Variants in AHCY observed in about 807,000 individuals in gnomAD.
AHCY encodes the protein adenosylhomocysteinase, also known as S-adenosyl-L-homocysteine hydrolase.
In AHCY, 24 loss-of-function variants were observed where a neutral mutation model predicts 45.4. The ratio of observed to expected loss-of-function variants is 0.53; its 90% CI spans 0.38 to 0.74. The LOEUF (loss-of-function observed/expected upper bound fraction) is 0.74, where lower values mean the gene tolerates loss of function less well. AHCY is among the 30% of genes least tolerant of loss of function. AHCY has a pLI of 0.00. For missense variants in AHCY, 449 were observed against 594.1 expected, an observed-to-expected ratio of 0.76 and a Z score of 2.54; for synonymous variants, 245 against 235.1, an observed-to-expected ratio of 1.04 and a Z score of -0.39.
At chr20:34,246,323 G>A in the AHCY span, 3,943 of 1,548,886 alleles carry the variant, frequency 2.5e-3, 151 homozygotes, top group East Asian at 0.08. Flanking sequence ...TTCTTGTTTG[G>A]GTGAATTTTC....
intron 3 of AHCY, 102 bp downstream of exon 3, chr20:34,293,979 C>T: frequency 1.6e-6 from 2 of 1,219,344 alleles, no homozygotes; most frequent in African/African-American, 1.5e-5. Flanking sequence ...GACTCCTCTC[C>T]CTTTCTGATA....
chr20:34,258,299 T>C, the AHCY span, among the ~76,000 whole-genome samples: 2 of 151,538 alleles, frequency 1.3e-5, no homozygotes, highest in Non-Finnish European at 2.9e-5. Flanking sequence ...GGCCAGATAA[T>C]AAATATTTTA....
chr20:34,239,371 C>T, the AHCY span, among the ~76,000 whole-genome samples: 1 of 152,136 alleles, frequency 6.6e-6, no homozygotes, highest in African/African-American at 2.4e-5. Context: ...CACCTGCCAC[C>T]ACACCTGGCT....
chr20:34,276,929 G>A (rs1222670701), downstream of AHCY, among the ~76,000 whole-genome samples: 3 of 152,066 alleles, frequency 2.0e-5, no homozygotes, highest in African/African-American at 4.8e-5. Flanking sequence ...GTAGGTCTCA[G>A]GGATGAGAAT....
At chr20:34,235,909 AG>A in the AHCY span, among the ~76,000 whole-genome samples, 1 of 123,606 alleles carries the variant, frequency 8.1e-6, no homozygotes, top group African/African-American at 3.8e-5. Flanking sequence ...AAAGGAAGGA[AG>A]GAAGGAAGGA....
At chr20:34,277,603 A>C (rs2035919191), downstream of AHCY, among the ~76,000 whole-genome samples, 1 of 151,814 alleles carries the variant, frequency 6.6e-6, no homozygotes, top group East Asian at 1.9e-4. Flanking sequence ...AAAATATAAA[A>C]AATTAGCCGG....
chr20:34,273,568 C>T, the AHCY span, among the ~76,000 whole-genome samples: 47 of 152,276 alleles, frequency 3.1e-4, no homozygotes, highest in African/African-American at 1.1e-3. Flanking sequence ...CTAACATCAC[C>T]AGCCATTGTT....
chr20:34,245,635 C>T, the AHCY span, among the ~76,000 whole-genome samples: 5 of 151,858 alleles, frequency 3.3e-5, no homozygotes, highest in African/African-American at 9.7e-5. Context: ...ATGATCCACC[C>T]GCCTTGGCCT....
chr20:34,289,072 C>T (rs1292583003), intron 8 of AHCY, among the ~76,000 whole-genome samples: 1 of 152,088 alleles, frequency 6.6e-6, no homozygotes. Context: ...GGCGCAATCT[C>T]GGCTCACTGC....
At chr20:34,303,192 C>G in intron 1 of AHCY, 51 bp downstream of exon 1, 5 of 1,550,160 alleles carry the variant, frequency 3.2e-6, no homozygotes, top group Non-Finnish European at 4.4e-6. Flanking sequence ...CACGAACAAG[C>G]CCCGGGCGGG....
the AHCY span, among the ~76,000 whole-genome samples, chr20:34,267,856 G>A: frequency 6.8e-6 from 1 of 147,416 alleles, no homozygotes. Flanking sequence ...AAAAAAAAAA[G>A]GTGCAATTAA....
the AHCY span, among the ~76,000 whole-genome samples, chr20:34,245,329 G>C: frequency 1.5e-5 from 2 of 129,774 alleles, no homozygotes; most frequent in African/African-American, 5.9e-5. Flanking sequence ...GTGAGACTCT[G>C]TCTCAAAAAA....
the AHCY span, among the ~76,000 whole-genome samples, chr20:34,249,785 G>A: frequency 6.6e-6 from 1 of 152,138 alleles, no homozygotes; most frequent in Non-Finnish European, 1.5e-5. Context: ...AGAACATAAA[G>A]CAACTTGATT....
the AHCY span, among the ~76,000 whole-genome samples, chr20:34,242,962 C>T: frequency 1.3e-5 from 2 of 152,192 alleles, no homozygotes; most frequent in Non-Finnish European, 2.9e-5. Context: ...AATATAGTAC[C>T]CACTAAGGTC....
chr20:34,300,340 C>G (rs1234917817), intron 1 of AHCY, among the ~76,000 whole-genome samples: 1 of 152,210 alleles, frequency 6.6e-6, no homozygotes, highest in Non-Finnish European at 1.5e-5. Context: ...CATCATTCTA[C>G]TAAAGTAAAC....
intron 1 of AHCY, among the ~76,000 whole-genome samples, chr20:34,299,874 C>T (rs1167789255): frequency 6.6e-6 from 1 of 152,182 alleles, no homozygotes; most frequent in African/African-American, 2.4e-5. Flanking sequence ...CTGCATCTCA[C>T]CACCTTCATC....
At chr20:34,262,748 C>T in the AHCY span, 1 of 1,506,664 alleles carries the variant, frequency 6.6e-7, no homozygotes, top group African/African-American at 1.4e-5. Flanking sequence ...TGTGACTTCC[C>T]AAGCCCCCTC....
the AHCY span, among the ~76,000 whole-genome samples, chr20:34,253,442 TTTTATTTTATTTATTTA>T: frequency 5.8e-3 from 605 of 105,120 alleles, 5 homozygotes; most frequent in African/African-American, 0.033. Flanking sequence ...CTTATTTTTA[TTTTATTTTATTTATTTA>T]TTTATTTATT....
At chr20:34,238,043 A>G in the AHCY span, among the ~76,000 whole-genome samples, 1 of 152,128 alleles carries the variant, frequency 6.6e-6, no homozygotes, top group African/African-American at 2.4e-5. Flanking sequence ...GTATGTGATG[A>G]GTCGCATCTC....
Sources: gnomAD v4.1 joint callset for allele counts (sites outside exome capture counted in the v4.1 genomes callset) on GRCh38, gnomAD v4.1.1 for gene constraint, MANE v1.5 for transcripts, NCBI Gene and HGNC (gene_info 2026-07-23, HGNC 2026-07-21) for gene names.